The following XRCC1 variants were observed in gnomAD, a reference collection of about 807,000 sequenced individuals.
XRCC1 encodes the protein X-ray repair cross complementing 1.
In XRCC1, 52 loss-of-function variants were observed where a neutral mutation model predicts 83.3. The ratio of observed to expected loss-of-function variants is 0.62; its 90% CI spans 0.50 to 0.79. XRCC1 has a LOEUF of 0.79. XRCC1 is among the 30% of genes least tolerant of loss of function. The pLI is 0.00. For synonymous variants in XRCC1, 281 were observed against 312.6 expected (o/e 0.90, Z 1.07); for missense variants, 793 against 823.5 (o/e 0.96, Z 0.45).
At chr19:43,544,843 G>T (rs1035454767) in intron 14 of XRCC1, among the ~76,000 whole-genome samples, 3 of 135,282 alleles carry the variant, frequency 2.2e-5, no homozygotes, top group South Asian at 2.6e-4. Context: ...GGCGGGGGTC[G>T]GGGGGGGTCT....
intron 8 of XRCC1, 80 bp from the exon 9 acceptor site, chr19:43,552,355 C>A: frequency 9.1e-7 from 1 of 1,094,716 alleles, no homozygotes; most frequent in Non-Finnish European, 1.3e-6. Flanking sequence ...CCCAGCAGTC[C>A]AGGCCCCAGA....
intron 2 of XRCC1, among the ~76,000 whole-genome samples, chr19:43,563,636 T>C (rs1246047859): frequency 6.6e-6 from 1 of 152,194 alleles, no homozygotes; most frequent in African/African-American, 2.4e-5. Context: ...CCTCAGGGCC[T>C]CTGCACCTGC....
chr19:43,571,293 T>C (rs1277333692), intron 2 of XRCC1, among the ~76,000 whole-genome samples: 1 of 152,184 alleles, frequency 6.6e-6, no homozygotes, highest in African/African-American at 2.4e-5. Flanking sequence ...CCTAGATACA[T>C]ACATAGCTCA....
At chr19:43,546,018 C>A (rs1315043491) in intron 13 of XRCC1, 34 bp downstream of exon 13, 2 of 1,613,798 alleles carry the variant, frequency 1.2e-6, no homozygotes, top group South Asian at 1.1e-5. Flanking sequence ...ACACCCAAGG[C>A]CAGGGACACC....
intron 2 of XRCC1, among the ~76,000 whole-genome samples, chr19:43,572,931 T>C (rs1283266230): frequency 2.1e-5 from 3 of 141,700 alleles, no homozygotes; most frequent in African/African-American, 7.9e-5. Flanking sequence ...TCTTTTCTTT[T>C]TTTTTTTTTT....
chr19:43,562,358 C>A (rs1972708150), intron 2 of XRCC1, among the ~76,000 whole-genome samples: 2 of 152,030 alleles, frequency 1.3e-5, no homozygotes, highest in Admixed American at 6.6e-5. Flanking sequence ...TACAGCAATG[C>A]CATTTCCAAC....
In XRCC1 at chr19:43,543,488, G is replaced by A; in HGVS notation, c.1806C>T (p.Pro602=). 6.2e-7 allele frequency: 1 copy of A among 1,613,822 alleles called. No individual in the cohort carries two copies. The highest frequency in any genetic ancestry group is 8.5e-7 in the Non-Finnish European group (1 of 1,179,886). ...PSFEEALMDN[P]SLAFVRPRWI... ...ATCGGGGACGAACGAATGCCAGGGA[G>A]GGGTTGTCCATCAGGGCCTGCAGGG... The change falls in exon 17 of 17, where the codon CCC becomes CCT. Residue 602 remains proline (P), a synonymous_variant. Transcript: ENST00000262887.
chr19:43,558,892 T>C (rs916395654), intron 3 of XRCC1, among the ~76,000 whole-genome samples: 3 of 151,788 alleles, frequency 2.0e-5, no homozygotes, highest in African/African-American at 7.3e-5. Context: ...ATCCCAATAC[T>C]TTGGGAGGCC....
chr19:43,554,985 A>T, intron 3 of XRCC1, 181 bp from the exon 4 acceptor site: 1 of 566,392 alleles, frequency 1.8e-6, no homozygotes, highest in Non-Finnish European at 3.0e-6. Flanking sequence ...CTGCCCTGAC[A>T]CAGGCCCCAG....
intron 15 of XRCC1, 140 bp from the exon 16 acceptor site, chr19:43,543,827 A>T: frequency 1.4e-6 from 1 of 735,932 alleles, no homozygotes; most frequent in Non-Finnish European, 2.2e-6. Context: ...CCATTCTTTC[A>T]TGTATCCATC....
chr19:43,560,798 G>C (rs1732154439), intron 3 of XRCC1, 112 bp downstream of exon 3: 3 of 845,128 alleles, frequency 3.5e-6, no homozygotes, highest in Admixed American at 3.6e-5. Flanking sequence ...GCAGCAATCA[G>C]GTGTGACTCA....
intron 2 of XRCC1, among the ~76,000 whole-genome samples, chr19:43,562,513 G>C (rs1367336604): frequency 6.6e-6 from 1 of 151,998 alleles, no homozygotes; most frequent in Non-Finnish European, 1.5e-5. Flanking sequence ...GGAGGCTGGG[G>C]TGGGAGGATC....
At chr19:43,561,681 G>A (rs1277561683) in intron 2 of XRCC1, among the ~76,000 whole-genome samples, 1 of 152,228 alleles carries the variant, frequency 6.6e-6, no homozygotes, top group Non-Finnish European at 1.5e-5. Flanking sequence ...TTTGTTGAAA[G>A]AAGAAAAGAG....
rs370972033 is a variant in XRCC1 at position 43,560,912 on chromosome 19, C to T, written c.253G>A (p.Glu85Lys). The T allele has an allele frequency of 2.5e-6, 4 of 1,613,504 alleles. No individual in the cohort carries two copies. In the African/African-American group the frequency reaches 4.0e-5, roughly 16 times the overall value. Residue 85 changes from glutamate (E) to lysine (K), a missense_variant and splice_region_variant, in exon 3 of 17, where the codon GAG becomes AAG. By Grantham distance (56) the Glu-to-Lys change is moderately conservative. Coordinates refer to ENST00000262887, the MANE Select transcript of XRCC1 (RefSeq NM_006297.3). ...SAGGAGEQDY[E>K]VLLVTSSFMS... ...ATCCATCTCATAGCCCTGCTTACCT[C>T]ATAGTCTTGCTCCCCAGCGCCTCCA...
chr19:43,570,844 CT>C (rs3213269), intron 2 of XRCC1, among the ~76,000 whole-genome samples: 121,817 of 152,188 alleles, frequency 0.8, 48,854 homozygotes, highest in East Asian at 0.88. Flanking sequence ...AAATGTCTGC[CT>C]TTATCAGTTA....
intron 10 of XRCC1, 87 bp downstream of exon 10, chr19:43,551,484 G>T: frequency 8.4e-7 from 1 of 1,196,308 alleles, no homozygotes; most frequent in Non-Finnish European, 1.2e-6. Flanking sequence ...TGTGTTCTCC[G>T]CTGGCAGGCC....
Position 43,543,422 on chromosome 19 carries a change from G to A in XRCC1, c.1872C>T (p.His624=). The A allele has an allele frequency of 6.2e-7, 1 of 1,612,454 alleles. No individual in the cohort carries two copies. Among genetic ancestry groups the A allele is most frequent in the Non-Finnish European group, 8.5e-7 (1 of 1,179,940 alleles). ...SCNEKQKLLP[H]QLYGVVPQA ...CTTGCGGCACCACCCCATAGAGCTG[G>A]TGAGGAAGTAACTTCTGCTTCTCAT... The change falls in exon 17 of 17, where the codon CAC becomes CAT. Residue 624 remains histidine, a synonymous_variant. Transcript: ENST00000262887.
At chr19:43,575,030 T>C (rs1157477800) in intron 1 of XRCC1, 28 bp from the exon 2 acceptor site, 2 of 1,580,160 alleles carry the variant, frequency 1.3e-6, no homozygotes, top group Non-Finnish European at 1.7e-6. Context: ...AGAGGAGAAT[T>C]AGGGCACAGA....
intron 2 of XRCC1, among the ~76,000 whole-genome samples, chr19:43,572,950 TGA>T (rs1773957870): frequency 6.8e-6 from 1 of 147,716 alleles, no homozygotes; most frequent in African/African-American, 2.5e-5. Context: ...TTTTTTTTTT[TGA>T]GATACAGTCT....
Sources: allele counts gnomAD v4.1 joint callset (sites outside exome capture counted in the v4.1 genomes callset), GRCh38; gene constraint gnomAD v4.1.1; transcripts MANE v1.5; gene names NCBI Gene and HGNC (gene_info 2026-07-23, HGNC 2026-07-21).